The following YWHAQ variants were observed in gnomAD, a reference collection of about 807,000 sequenced individuals.
YWHAQ encodes 14-3-3 protein theta.
A neutral mutation model predicts 28.3 loss-of-function variants in YWHAQ; 6 were observed. The ratio of observed to expected loss-of-function variants is 0.21; its 90% confidence interval spans 0.12 to 0.42. The LOEUF is 0.42. Ranked by LOEUF, YWHAQ falls within the 10% of genes least tolerant of loss-of-function variation. The pLI, the probability that YWHAQ is intolerant of heterozygous loss-of-function variation, is 1.00. For synonymous variants in YWHAQ, 143 were observed against 119.1 expected (o/e 1.20, Z -1.31); for missense variants, 201 against 305.6 (o/e 0.66, Z 2.55).
intron 2 of YWHAQ, among the ~76,000 whole-genome samples, chr2:9,613,484 T>C (rs1392883072): frequency 6.6e-6 from 1 of 152,190 alleles, no homozygotes; most frequent in Non-Finnish European, 1.5e-5. Flanking sequence ...TGCAATCAAG[T>C]GGTTTATTAT....
chr2:9,596,232 A>G (rs1414899233), intron 2 of YWHAQ, among the ~76,000 whole-genome samples: 2 of 151,486 alleles, frequency 1.3e-5, no homozygotes, highest in South Asian at 2.1e-4. Context: ...ATATCTTAGG[A>G]AAAAAAGGCT....
intron 2 of YWHAQ, among the ~76,000 whole-genome samples, chr2:9,622,785 A>T (rs1240382055): frequency 6.6e-6 from 1 of 152,180 alleles, no homozygotes; most frequent in Non-Finnish European, 1.5e-5. Context: ...TATGCAAACA[A>T]TAGTTTCAAA....
chr2:9,612,504 C>T (rs1666967792), intron 2 of YWHAQ, among the ~76,000 whole-genome samples: 2 of 152,156 alleles, frequency 1.3e-5, no homozygotes, highest in African/African-American at 2.4e-5. Flanking sequence ...CTGTACTATA[C>T]AAAGATTGTT....
intron 2 of YWHAQ, among the ~76,000 whole-genome samples, chr2:9,607,537 G>C (rs966417260): frequency 2.0e-5 from 3 of 151,858 alleles, no homozygotes; most frequent in African/African-American, 7.3e-5. Context: ...AGATAAAACA[G>C]TACCAACACT....
intron 2 of YWHAQ, among the ~76,000 whole-genome samples, chr2:9,605,141 T>TC (rs1409366685): frequency 3.7e-5 from 1 of 27,050 alleles, no homozygotes. Flanking sequence ...CTGTTCTCTC[T>TC]TTTTTTTTTT....
intron 2 of YWHAQ, among the ~76,000 whole-genome samples, chr2:9,614,036 C>T (rs1462436936): frequency 6.6e-6 from 1 of 152,194 alleles, no homozygotes; most frequent in African/African-American, 2.4e-5. Flanking sequence ...TAACCAATTC[C>T]AGATGCTATT....
At chr2:9,590,705 T>C (rs1402576243) in intron 3 of YWHAQ, among the ~76,000 whole-genome samples, 1 of 152,130 alleles carries the variant, frequency 6.6e-6, no homozygotes, top group Non-Finnish European at 1.5e-5. Context: ...CCATGTTTTC[T>C]ATGATAGTCT....
chr2:9,626,693 TG>T (rs1667253515), intron 2 of YWHAQ, among the ~76,000 whole-genome samples: 2 of 152,186 alleles, frequency 1.3e-5, no homozygotes, highest in Non-Finnish European at 2.9e-5. Flanking sequence ...GGCCTCCCAA[TG>T]TGCTGGGATT....
At chr2:9,600,937 G>A (rs1293662110) in intron 2 of YWHAQ, among the ~76,000 whole-genome samples, 1 of 152,082 alleles carries the variant, frequency 6.6e-6, no homozygotes, top group Non-Finnish European at 1.5e-5. Flanking sequence ...TACATACGCT[G>A]GTTTTTAGAC....
intron 2 of YWHAQ, among the ~76,000 whole-genome samples, chr2:9,592,548 AC>A (rs1371643194): frequency 6.6e-6 from 1 of 151,988 alleles, no homozygotes; most frequent in Non-Finnish European, 1.5e-5. Context: ...ACATAATGAA[AC>A]CCCGTCTCTA....
At chr2:9,620,897 G>A (rs756480798) in intron 2 of YWHAQ, among the ~76,000 whole-genome samples, 9 of 152,096 alleles carry the variant, frequency 5.9e-5, no homozygotes, top group Non-Finnish European at 1.0e-4. Flanking sequence ...TAAAATTCTC[G>A]TAGAACAGCA....
chr2:9,586,897 CCTAT>C (rs1325122468), intron 5 of YWHAQ, among the ~76,000 whole-genome samples: 7 of 152,158 alleles, frequency 4.6e-5, no homozygotes, highest in African/African-American at 1.4e-4. Context: ...TTATCAATTG[CCTAT>C]CTAAGAAGCA....
chr2:9,593,905 A>AAAAAAAT (rs1205661739), intron 2 of YWHAQ, among the ~76,000 whole-genome samples: 17 of 127,640 alleles, frequency 1.3e-4, no homozygotes, highest in African/African-American at 4.0e-4. Flanking sequence ...GATTAAAAAA[A>AAAAAAAT]ATATATATAT....
chr2:9,595,903 G>A (rs1666560172), intron 2 of YWHAQ, among the ~76,000 whole-genome samples: 1 of 152,094 alleles, frequency 6.6e-6, no homozygotes, highest in Non-Finnish European at 1.5e-5. Context: ...AGGGTAAAAT[G>A]TGGATGGTAG....
intron 2 of YWHAQ, among the ~76,000 whole-genome samples, chr2:9,618,691 T>G (rs1226585886): frequency 6.6e-6 from 1 of 151,260 alleles, no homozygotes; most frequent in South Asian, 2.1e-4. Context: ...TTTTTTTTTT[T>G]GGTAGAGACA....
chr2:9,629,484 T>C (rs765316395), intron 2 of YWHAQ, among the ~76,000 whole-genome samples: 7 of 152,198 alleles, frequency 4.6e-5, no homozygotes, highest in Non-Finnish European at 7.3e-5. Context: ...CCTTGTCTGC[T>C]CCACACTGGA....
intron 5 of YWHAQ, among the ~76,000 whole-genome samples, chr2:9,586,431 A>G (rs918864552): frequency 1.3e-5 from 2 of 152,226 alleles, no homozygotes; most frequent in Admixed American, 1.3e-4. Flanking sequence ...AAAACAAACA[A>G]AACAAAATCC....
Position 9,630,592 on chromosome 2 carries a change from A to C in YWHAQ, c.-82-58T>G. 2.5e-6 allele frequency: 2 copies of C among 797,914 alleles called. No homozygotes were observed. Among genetic ancestry groups the C allele is most frequent in the Non-Finnish European group, 3.7e-6 (2 of 534,900 alleles). 49.4% of individuals were successfully genotyped at this position (797,914 alleles called of 1,614,324 possible). ...AAAAGCAGAGAGGGAGCGCCGTCAG[A>C]CAATGCGGCCCGCCGCCCGCTTTTG... On this transcript the variant is annotated intron_variant, in intron 1 of 5. Transcript: ENST00000238081. The surrounding 1 kb of genome is among the most constrained non-coding windows in gnomAD (Gnocchi z 5.6).
At chr2:9,593,744 C>T (rs1341045877) in intron 2 of YWHAQ, among the ~76,000 whole-genome samples, 12 of 151,784 alleles carry the variant, frequency 7.9e-5, no homozygotes, top group Admixed American at 7.9e-4. Flanking sequence ...AGAAGGAAGG[C>T]TTAAACCCCG....
Sources: gnomAD v4.1 joint callset for allele counts (sites outside exome capture counted in the v4.1 genomes callset) on GRCh38, gnomAD v4.1.1 for gene constraint, Gnocchi (gnomAD v3.1) non-coding constraint, MANE v1.5 for transcripts, NCBI Gene and HGNC (gene_info 2026-07-23, HGNC 2026-07-21) for gene names.